The following EMSY variants were observed in gnomAD, a reference collection of about 807,000 sequenced individuals.
EMSY encodes the protein EMSY transcriptional repressor, BRCA2 interacting.
EMSY carries 26 observed loss-of-function variants against 134.6 expected under a neutral mutation model. The observed-to-expected ratio is 0.19, with a 90% CI of 0.14 to 0.27. EMSY has a LOEUF of 0.27. EMSY is among the 10% of genes least tolerant of loss of function. The pLI is 1.00. For synonymous variants in EMSY, 579 were observed against 577.8 expected, an observed-to-expected ratio of 1.00 and a Z score of -0.03; for missense variants, 1,305 against 1,611.4, an observed-to-expected ratio of 0.81 and a Z score of 3.26.
exon 18 of EMSY, chr11:76,542,222 A>G (rs1236127445): frequency 3.1e-6 from 5 of 1,614,074 alleles, no homozygotes; most frequent in East Asian, 2.2e-5. Flanking sequence ...TCAGTCAGCC[A>G]TCGCTCCCAG....
At chr11:76,484,503 G>A (rs957221017) in intron 8 of EMSY, among the ~76,000 whole-genome samples, 1 of 152,140 alleles carries the variant, frequency 6.6e-6, no homozygotes, top group Admixed American at 6.5e-5. Flanking sequence ...AAGACTGCTA[G>A]CCAGTCTAAT....
chr11:76,490,441 G>A (rs1027844928), intron 8 of EMSY, among the ~76,000 whole-genome samples: 5 of 152,072 alleles, frequency 3.3e-5, no homozygotes, highest in African/African-American at 7.2e-5. Flanking sequence ...GACGAGAGGC[G>A]GAAAAATTAC....
At chr11:76,460,246 T>G in intron 6 of EMSY, 161 bp downstream of exon 7, 1 of 797,472 alleles carries the variant, frequency 1.3e-6, no homozygotes. Context: ...TATGACTAGG[T>G]ATATATTGCT....
chr11:76,504,205 A>G (rs1949988465), intron 9 of EMSY, among the ~76,000 whole-genome samples: 1 of 151,658 alleles, frequency 6.6e-6, no homozygotes, highest in South Asian at 2.1e-4. Context: ...CCACCAGCAA[A>G]TATAAACTGT....
intron 9 of EMSY, among the ~76,000 whole-genome samples, chr11:76,501,980 G>A (rs1285878116): frequency 2.7e-5 from 4 of 145,472 alleles, no homozygotes; most frequent in African/African-American, 5.1e-5. Context: ...ATAAAGTTAC[G>A]TAAGAGCTGA....
At chr11:76,546,616 C>T (rs1310143647) in intron 20 of EMSY, among the ~76,000 whole-genome samples, 1 of 152,162 alleles carries the variant, frequency 6.6e-6, no homozygotes, top group Non-Finnish European at 1.5e-5. Flanking sequence ...TAAGTCAACC[C>T]AGAAGATAGG....
exon 20 of EMSY, chr11:76,546,280 G>A (rs1208125177): frequency 6.2e-7 from 1 of 1,609,472 alleles, no homozygotes; most frequent in Non-Finnish European, 8.5e-7. Flanking sequence ...AGAGAGTCCA[G>A]CAGAAATTAT....
chr11:76,472,839 A>G lies in EMSY; in HGVS notation c.1107A>G (p.Gln369=), dbSNP rs755576897. Residue 369 remains glutamine (Q), a splice_region_variant and synonymous_variant, in exon 8 of 21, where the codon CAA becomes CAG. Coordinates refer to ENST00000334736, the Ensembl canonical transcript of EMSY. Reference sequence around the variant, plus strand: ...CTGTGGTCATGTCAACAGTAGCACAAGGTGAGTGCTGTTTCACAATTTAAT... The same window carrying G: ...CTGTGGTCATGTCAACAGTAGCACAGGGTGAGTGCTGTTTCACAATTTAAT... The G allele has an allele frequency of 4.3e-6, 7 of 1,611,674 alleles. No homozygotes were observed. The South Asian group carries it at 7.7e-5, about 18-fold the overall frequency.
At chr11:76,518,858 TTGTGTGTG>T (rs10691630) in intron 11 of EMSY, among the ~76,000 whole-genome samples, 1 of 143,150 alleles carries the variant, frequency 7.0e-6, no homozygotes, top group Non-Finnish European at 1.5e-5. Context: ...ATAGGCTGTC[TTGTGTGTG>T]TGTGTGTGTG....
At chr11:76,537,065 A>G (rs554102929) in intron 15 of EMSY, among the ~76,000 whole-genome samples, 6 of 152,154 alleles carry the variant, frequency 3.9e-5, no homozygotes, top group African/African-American at 1.2e-4. Context: ...TGTCGGTGTT[A>G]TTTTTGACCT....
chr11:76,538,997 A>G (rs1268015869), intron 16 of EMSY, among the ~76,000 whole-genome samples: 3 of 152,154 alleles, frequency 2.0e-5, no homozygotes, highest in Admixed American at 6.5e-5. Context: ...CCTTAAATCC[A>G]TTTAAATACT....
intron 14 of EMSY, among the ~76,000 whole-genome samples, chr11:76,533,046 G>A (rs1456065661): frequency 6.6e-6 from 1 of 152,086 alleles, no homozygotes; most frequent in Non-Finnish European, 1.5e-5. Context: ...AATGTTCTCT[G>A]GAACATTTTG....
At chr11:76,479,374 T>C (rs1458163521) in intron 8 of EMSY, among the ~76,000 whole-genome samples, 1 of 152,238 alleles carries the variant, frequency 6.6e-6, no homozygotes, top group Non-Finnish European at 1.5e-5. Context: ...AGCAGTGATA[T>C]ATCTTTTCCT....
At chr11:76,502,899 A>G (rs1417304290) in intron 9 of EMSY, among the ~76,000 whole-genome samples, 1 of 152,208 alleles carries the variant, frequency 6.6e-6, no homozygotes, top group Non-Finnish European at 1.5e-5. Context: ...CTATATCAGA[A>G]TCTCAGCAGA....
intron 9 of EMSY, among the ~76,000 whole-genome samples, chr11:76,503,300 CAAAAAAA>C (rs61098325): frequency 4.2e-5 from 3 of 70,796 alleles, no homozygotes; most frequent in Non-Finnish European, 7.8e-5. Context: ...GGCGTGGTCT[CAAAAAAA>C]AAAAAAAAAA....
intron 6 of EMSY, among the ~76,000 whole-genome samples, chr11:76,462,329 C>T (rs1365012895): frequency 6.6e-6 from 1 of 152,172 alleles, no homozygotes; most frequent in African/African-American, 2.4e-5. Flanking sequence ...TTTTAAGTAA[C>T]AGGAAGATTA....
intron 2 of EMSY, among the ~76,000 whole-genome samples, chr11:76,447,345 T>G (rs1276886250): frequency 2.0e-5 from 3 of 152,252 alleles, no homozygotes; most frequent in African/African-American, 7.2e-5. Flanking sequence ...TTGTTTGTTT[T>G]GTCTCGTCTC....
intron 9 of EMSY, among the ~76,000 whole-genome samples, chr11:76,511,046 TA>T (rs1324538652): frequency 6.6e-6 from 1 of 152,202 alleles, no homozygotes; most frequent in Non-Finnish European, 1.5e-5. Flanking sequence ...TTCACTGGGT[TA>T]GGGGGCCAGC....
intron 11 of EMSY, among the ~76,000 whole-genome samples, chr11:76,518,858 TTG>T (rs10691630): frequency 1.4e-4 from 20 of 143,136 alleles, no homozygotes; most frequent in African/African-American, 2.3e-4. Flanking sequence ...ATAGGCTGTC[TTG>T]TGTGTGTGTG....
Sources: gnomAD v4.1 joint callset for allele counts (sites outside exome capture counted in the v4.1 genomes callset) on GRCh38, gnomAD v4.1.1 for gene constraint, MANE v1.5 for transcripts, NCBI Gene and HGNC (gene_info 2026-07-23, HGNC 2026-07-21) for gene names.